EZH2: variants seen among roughly 807,000 people sequenced by gnomAD.
EZH2 encodes histone-lysine N-methyltransferase EZH2.
EZH2 carries 18 observed loss-of-function variants against 98.4 expected under a neutral mutation model. The ratio of observed to expected loss-of-function variants is 0.18; its 90% CI spans 0.13 to 0.27. EZH2 has a LOEUF of 0.27. EZH2 is among the 10% of genes least tolerant of loss of function. The pLI, the probability that EZH2 is intolerant of heterozygous loss-of-function variation, is 1.00. For missense variants in EZH2, 470 were observed against 935.1 expected (o/e 0.50, Z 6.49); for synonymous variants, 338 against 312.3 (o/e 1.08, Z -0.87).
chr7:148,825,403 ACTT>A (rs1370686151), intron 8 of EZH2, among the ~76,000 whole-genome samples: 1 of 152,240 alleles, frequency 6.6e-6, no homozygotes, highest in African/African-American at 2.4e-5. Flanking sequence ...CTAAAAATCT[ACTT>A]CAAGTTTTTC....
At chr7:148,813,898 G>T in intron 15 of EZH2, 61 bp downstream of exon 15, 1 of 1,525,914 alleles carries the variant, frequency 6.6e-7, no homozygotes, top group South Asian at 1.2e-5. Flanking sequence ...AGGCAATCCT[G>T]ACATTTGCAT....
chr7:148,879,862 T>TA (rs1466898902), intron 1 of EZH2, among the ~76,000 whole-genome samples: 1 of 152,004 alleles, frequency 6.6e-6, no homozygotes, highest in Non-Finnish European at 1.5e-5. Flanking sequence ...CCCTGTACTT[T>TA]AAGAGGCCAA....
chr7:148,861,819 A>ATT (rs1563056350), intron 1 of EZH2, among the ~76,000 whole-genome samples: 3 of 151,636 alleles, frequency 2.0e-5, no homozygotes, highest in South Asian at 2.1e-4. Context: ...AAAAAAAAAA[A>ATT]AATTAATTAG....
chr7:148,855,921 A>G (rs1223183835), intron 1 of EZH2, among the ~76,000 whole-genome samples: 2 of 150,820 alleles, frequency 1.3e-5, no homozygotes, highest in East Asian at 1.9e-4. Flanking sequence ...AAAAAAAAAA[A>G]GTAGTGACTA....
intron 1 of EZH2, among the ~76,000 whole-genome samples, chr7:148,858,069 G>A (rs1817102791): frequency 1.3e-5 from 2 of 151,648 alleles, no homozygotes; most frequent in South Asian, 2.1e-4. Flanking sequence ...AAGGCAGGCA[G>A]ATCACGAGGT....
intron 11 of EZH2, chr7:148,816,988 A>T (rs1189875421): frequency 5.0e-6 from 3 of 596,974 alleles, no homozygotes; most frequent in Non-Finnish European, 8.7e-6. Context: ...TTCAATTCTT[A>T]CTAGCTTTTA....
intron 4 of EZH2, among the ~76,000 whole-genome samples, chr7:148,830,710 G>A (rs1373334206): frequency 6.6e-6 from 1 of 152,024 alleles, no homozygotes; most frequent in Non-Finnish European, 1.5e-5. Context: ...ATCAAGCTTT[G>A]GAAGACAACA....
chr7:148,880,868 A>C (rs1820852141), intron 1 of EZH2, among the ~76,000 whole-genome samples: 2 of 152,258 alleles, frequency 1.3e-5, no homozygotes, highest in Admixed American at 6.5e-5. Context: ...ACCAGGAGGC[A>C]CTTTGACTGT....
At chr7:148,877,422 C>T (rs1212290932) in intron 1 of EZH2, among the ~76,000 whole-genome samples, 1 of 152,140 alleles carries the variant, frequency 6.6e-6, no homozygotes, top group African/African-American at 2.4e-5. Context: ...TGAGAAAGTA[C>T]ATCAACTCTA....
chr7:148,865,465 T>A (rs1585256934), intron 1 of EZH2, among the ~76,000 whole-genome samples: 1 of 152,198 alleles, frequency 6.6e-6, no homozygotes, highest in Non-Finnish European at 1.5e-5. Context: ...ACAGGTGACA[T>A]GAATCTGCTG....
In EZH2 at chr7:148,818,007, G is replaced by A. The variant is rs201699310; in HGVS notation, c.1110C>T (p.Pro370=). 37 of 1,614,108 alleles carry A rather than the reference G, an allele frequency of 2.3e-5. No individual in the cohort carries two copies. The highest frequency in any genetic ancestry group is 3.0e-5 in the Non-Finnish European group (35 of 1,180,020). The change falls in exon 10 of 20, where the codon CCC becomes CCT. Residue 370 remains proline (P), a synonymous_variant. Coordinates refer to ENST00000320356, the MANE Select transcript of EZH2 (RefSeq NM_004456.5). The part of the protein sequence containing the change: ...RGRLPNNSSR[P]STPTINVLES... ...CCAGCACATTAATGGTGGGGGTGCT[G>A]GGCCTGCTACTGTTATTGGGAAGCC...
chr7:148,810,447 G>C (rs1450535459), intron 16 of EZH2, 33 bp from the exon 17 acceptor site: 14 of 1,440,284 alleles, frequency 9.7e-6, no homozygotes, highest in Non-Finnish European at 1.4e-5. Context: ...AAATTCTTTT[G>C]GATAAAGGTG....
chr7:148,867,095 G>A (rs1342930304), intron 1 of EZH2, among the ~76,000 whole-genome samples: 1 of 151,692 alleles, frequency 6.6e-6, no homozygotes, highest in African/African-American at 2.4e-5. Context: ...GGGAAGCCGA[G>A]GCAGGCAGAT....
intron 13 of EZH2, 28 bp downstream of exon 13, chr7:148,815,475 CTAA>C (rs1490153608): frequency 3.1e-6 from 5 of 1,600,954 alleles, no homozygotes; most frequent in African/African-American, 2.7e-5. Context: ...TATTGTTAAG[CTAA>C]TAATGAGAGG....
chr7:148,884,211 G>GCGCCGCCGC lies in EZH2; in HGVS notation c.-64_-56dup, dbSNP rs886062083. On this transcript the variant is annotated 5_prime_UTR_variant, in exon 1 of 20. Transcript: ENST00000320356. The stretch of plus-strand genomic sequence containing the variant: ...CGTTGTTCCCGCGCGTCGCCCCCGC[G>GCGCCGCCGC]CGCCGCCGCCGCCGCCGCCGGGGCT... The GCGCCGCCGC allele has an allele frequency of 3.3e-4, 56 of 170,832 alleles. No individual in the cohort carries two copies. Among genetic ancestry groups the GCGCCGCCGC allele is most frequent in the African/African-American group, 1.1e-3 (44 of 41,824 alleles). 10.6% of individuals were successfully genotyped at this position (170,832 alleles called of 1,614,324 possible).
chr7:148,854,219 G>A (rs1315791632), intron 1 of EZH2, among the ~76,000 whole-genome samples: 3 of 152,170 alleles, frequency 2.0e-5, no homozygotes, highest in South Asian at 2.1e-4. Context: ...GCCAAGATGG[G>A]CAGATCATGA....
At chr7:148,873,557 A>ATTTTTTT (rs58553084) in intron 1 of EZH2, among the ~76,000 whole-genome samples, 47 of 79,950 alleles carry the variant, frequency 5.9e-4, no homozygotes, top group African/African-American at 1.8e-3. Context: ...CATGCTCTTC[A>ATTTTTTT]TTTTTTTTTT....
In EZH2 at chr7:148,817,032, T is replaced by C. The variant is rs1285461801; in HGVS notation, c.1410+190A>G. The C allele has an allele frequency of 8.0e-6, 5 of 625,178 alleles. No homozygotes were observed. In the South Asian group the frequency reaches 9.3e-5, roughly 12 times the overall value. The allele number at this position is 625,178 out of a possible 1,614,324, so 38.7% of individuals were successfully genotyped here. A position where few individuals can be genotyped will look rare whatever the true frequency, so the allele number is the denominator to read the frequency against. On this transcript the variant is annotated intron_variant, in intron 11 of 19. Coordinates refer to ENST00000320356, the MANE Select transcript of EZH2 (RefSeq NM_004456.5). The stretch of plus-strand genomic sequence containing the variant: ...TGCTATCTAACCTTAAAAGTCTACA[T>C]TGGGGAAATTCTGTAACATACCTGG...
At chr7:148,818,400 ATTAAG>A (rs1805150739) in intron 9 of EZH2, among the ~76,000 whole-genome samples, 1 of 152,248 alleles carries the variant, frequency 6.6e-6, no homozygotes, top group South Asian at 2.1e-4. Context: ...GCTAGTTATA[ATTAAG>A]TTAAAATATA....
Sources: gnomAD v4.1 joint callset for allele counts (sites outside exome capture counted in the v4.1 genomes callset) on GRCh38, gnomAD v4.1.1 for gene constraint, MANE v1.5 for transcripts, NCBI Gene and HGNC (gene_info 2026-07-23, HGNC 2026-07-21) for gene names.